ITGB6: variants seen among roughly 807,000 people sequenced by gnomAD.
ITGB6 encodes integrin beta-6.
ITGB6 carries 80 observed loss-of-function variants against 84.5 expected under a neutral mutation model. The ratio of observed to expected loss-of-function variants is 0.95; its 90% CI spans 0.79 to 1.14. The LOEUF is 1.14. ITGB6 is among the 50% of genes most tolerant of loss of function. The probability of loss-of-function intolerance (pLI) is 0.00; values close to 1 mark genes in which losing one functional copy is unlikely to be tolerated. For missense variants in ITGB6, 1,006 were observed against 968.0 expected (o/e 1.04, Z -0.52); for synonymous variants, 383 against 354.9 (o/e 1.08, Z -0.89).
Position 160,115,500 on chromosome 2 carries a change from A to G in ITGB6, c.1982-3301T>C, listed in dbSNP as rs559931626. ...CAAACAGAAAGGACATCCACACCAA[A>G]AACCCTTCTGTACATCAGCATCATC... On this transcript the variant is annotated intron_variant, in intron 12 of 14. Coordinates refer to ENST00000283249, the MANE Select transcript of ITGB6 (RefSeq NM_000888.5). Among the ~76,000 whole-genome samples, 24 of 152,318 alleles carry G rather than the reference A, an allele frequency of 1.6e-4. No individual in the cohort carries two copies. The East Asian group carries it at 4.4e-3, about 28-fold the overall frequency.
At chr2:160,120,241 A>G (rs1401698642) in intron 12 of ITGB6, among the ~76,000 whole-genome samples, 4 of 151,542 alleles carry the variant, frequency 2.6e-5, no homozygotes, top group Non-Finnish European at 5.9e-5. Context: ...GGCACTATTT[A>G]CAATAGCAAA....
At chr2:160,147,768 T>G (rs1284270272) in intron 7 of ITGB6, among the ~76,000 whole-genome samples, 1 of 152,054 alleles carries the variant, frequency 6.6e-6, no homozygotes, top group African/African-American at 2.4e-5. Context: ...CAACTGGACA[T>G]TCACATGAAA....
intron 3 of ITGB6, 70 bp from the exon 4 acceptor site, chr2:160,195,685 T>C (rs1686309217): frequency 6.4e-7 from 1 of 1,560,000 alleles, no homozygotes; most frequent in East Asian, 2.3e-5. Flanking sequence ...GGCCACTCGC[T>C]GGGTCAGCTG....
At chr2:160,155,053 G>A (rs186452011) in intron 7 of ITGB6, among the ~76,000 whole-genome samples, 131 of 152,196 alleles carry the variant, frequency 8.6e-4, no homozygotes, top group African/African-American at 2.6e-3. Flanking sequence ...CTCCTTCTCC[G>A]CGCCTGCTTT....
intron 7 of ITGB6, among the ~76,000 whole-genome samples, chr2:160,146,645 C>T (rs888785853): frequency 3.3e-5 from 5 of 152,106 alleles, no homozygotes; most frequent in African/African-American, 9.7e-5. Flanking sequence ...CTTTAGCCAG[C>T]GGCTAGCATT....
chr2:160,189,142 C>T (rs556121476), intron 4 of ITGB6, among the ~76,000 whole-genome samples: 6,791 of 152,144 alleles, frequency 0.045, 471 homozygotes, highest in African/African-American at 0.15. Context: ...GGAAAACTGG[C>T]TAGCCATATG....
chr2:160,123,386 T>C (rs1683116697), intron 12 of ITGB6, among the ~76,000 whole-genome samples: 1 of 152,180 alleles, frequency 6.6e-6, no homozygotes, highest in Non-Finnish European at 1.5e-5. Context: ...AACACTGTTT[T>C]ACAGTTGGCT....
rs147372514 is a variant in ITGB6 at position 160,195,476 on chromosome 2, C to A, written c.486G>T (p.Glu162Asp). The change falls in exon 4 of 15, where the codon GAG becomes GAT. Residue 162 changes from glutamate (E) to aspartate (D), a missense_variant. By Grantham distance (45) the Glu-to-Asp change is conservative. Transcript: ENST00000283249. ...IKELGSRLSK[E>D]MSKLTSNFRL... Reference sequence around the variant, plus strand: ...TAAAGTTGCTGGTTAATTTAGACATCTCTTTGGAAAGCCGGGAGCCCAGCT... The same window carrying A: ...TAAAGTTGCTGGTTAATTTAGACATATCTTTGGAAAGCCGGGAGCCCAGCT... 3 of 1,614,066 alleles carry A rather than the reference C, an allele frequency of 1.9e-6. No individual in the cohort carries two copies. The African/African-American group carries it at 4.0e-5, about 22-fold the overall frequency.
chr2:160,199,178 C>G lies in ITGB6; in HGVS notation c.141+1G>C, dbSNP rs773779278. On this transcript the variant is annotated splice_donor_variant, in intron 2 of 14. Coordinates refer to ENST00000283249, the MANE Select transcript of ITGB6 (RefSeq NM_000888.5). LOFTEE classifies it high-confidence loss of function. ...AAACACATTGAGGTCATTTATTTTA[C>G]CTCCTGAGCACACCAGGCACACTGA... The G allele has an allele frequency of 6.2e-7, 1 of 1,613,036 alleles. No individual in the cohort carries two copies. Among genetic ancestry groups the G allele is most frequent in the Non-Finnish European group, 8.5e-7 (1 of 1,179,024 alleles).
chr2:160,141,054 C>T (rs375214235), intron 8 of ITGB6, among the ~76,000 whole-genome samples: 5 of 151,860 alleles, frequency 3.3e-5, no homozygotes, highest in South Asian at 2.1e-4. Context: ...TAAATGTTGG[C>T]GTATATTACA....
intron 7 of ITGB6, among the ~76,000 whole-genome samples, chr2:160,163,686 C>T (rs965035418): frequency 6.6e-5 from 10 of 151,412 alleles, no homozygotes; most frequent in African/African-American, 2.4e-4. Context: ...GTCTAGTGGT[C>T]TGCTTTTTCA....
intron 12 of ITGB6, among the ~76,000 whole-genome samples, chr2:160,117,872 G>A (rs575187782): frequency 8.8e-4 from 134 of 152,294 alleles, no homozygotes; most frequent in African/African-American, 3.0e-3. Context: ...TACCATCAGA[G>A]AATACTACAA....
intron 4 of ITGB6, among the ~76,000 whole-genome samples, chr2:160,174,711 C>T (rs892038222): frequency 2.0e-5 from 3 of 152,128 alleles, no homozygotes; most frequent in African/African-American, 4.8e-5. Flanking sequence ...TACAATGTTA[C>T]GATGAAATCT....
At chr2:160,199,939 G>A (rs1686491924) in intron 1 of ITGB6, 64 bp downstream of exon 1, 1 of 1,275,320 alleles carries the variant, frequency 7.8e-7, no homozygotes, top group African/African-American at 1.5e-5. Context: ...TCTAGTTTCT[G>A]AACCAAATGA....
chr2:160,165,453 A>G (rs1365160281), intron 7 of ITGB6, among the ~76,000 whole-genome samples: 1 of 152,242 alleles, frequency 6.6e-6, no homozygotes, highest in Non-Finnish European at 1.5e-5. Flanking sequence ...AAACAATAAT[A>G]GAACAGGCTA....
chr2:160,183,671 A>G (rs1030951538), intron 4 of ITGB6, among the ~76,000 whole-genome samples: 4 of 152,160 alleles, frequency 2.6e-5, no homozygotes, highest in African/African-American at 9.7e-5. Context: ...CTGCACCCCA[A>G]ATCGACAGAA....
rs202216468 is a variant in ITGB6 at position 160,169,193 on chromosome 2, C to T, written c.1017+19G>A. ...CACATAATCTCCTTGAAGGAATTTC[C>T]CAAGTTATTTTTGCTTACCTCATAT... On this transcript the variant is annotated intron_variant, in intron 7 of 14. Transcript: ENST00000283249. The T allele has an allele frequency of 1.4e-6, 2 of 1,438,966 alleles. No individual in the cohort carries two copies. The highest frequency in any genetic ancestry group is 1.9e-6 in the Non-Finnish European group (2 of 1,040,096). 89.1% of individuals were successfully genotyped at this position (1,438,966 alleles called of 1,614,324 possible). A position where few individuals can be genotyped will look rare whatever the true frequency, so the allele number is the denominator to read the frequency against.
intron 4 of ITGB6, among the ~76,000 whole-genome samples, chr2:160,177,586 A>G (rs1685480200): frequency 6.6e-6 from 1 of 151,742 alleles, no homozygotes; most frequent in African/African-American, 2.4e-5. Flanking sequence ...AAAAAAAAGA[A>G]CCATCCTAAA....
In ITGB6 at chr2:160,100,830, T is replaced by C. The variant is rs1352457010; in HGVS notation, c.*906A>G. The C allele has an allele frequency of 6.6e-6, 1 of 152,244 alleles. No homozygotes were observed. The highest frequency in any genetic ancestry group is 1.5e-5 in the Non-Finnish European group (1 of 68,034). 9.4% of individuals were successfully genotyped at this position (152,244 alleles called of 1,614,324 possible). ...TTAAAATTTTATTGTGTTTAACACA[T>C]GTTCCTTTTATATTATTGGATCGCT... is the stretch of plus-strand genomic sequence containing the variant. On this transcript the variant is annotated 3_prime_UTR_variant, in exon 15 of 15. Transcript: ENST00000283249.
Sources: allele counts gnomAD v4.1 joint callset (sites outside exome capture counted in the v4.1 genomes callset), GRCh38; gene constraint gnomAD v4.1.1; transcripts MANE v1.5; gene names NCBI Gene and HGNC (gene_info 2026-07-23, HGNC 2026-07-21).